ZBTB40: variants seen among roughly 807,000 people sequenced by gnomAD.
The protein encoded by ZBTB40 is zinc finger and BTB domain-containing protein 40.
ZBTB40 carries 60 observed loss-of-function variants against 117.5 expected under a neutral mutation model. The observed-to-expected ratio is 0.51, with a 90% CI of 0.41 to 0.63. The LOEUF (loss-of-function observed/expected upper bound fraction) is 0.63. Among genes scored for constraint, ZBTB40 ranks in the 30% least tolerant of loss-of-function variants. The probability of loss-of-function intolerance (pLI) is 0.00; values close to 1 mark genes in which losing one functional copy is unlikely to be tolerated. For missense variants in ZBTB40, 1,287 were observed against 1,498.5 expected, an observed-to-expected ratio of 0.86 and a Z score of 2.33; for synonymous variants, 525 against 577.1, an observed-to-expected ratio of 0.91 and a Z score of 1.29.
At chr1:22,521,758 T>C (rs1639534381) in intron 15 of ZBTB40, 100 bp downstream of exon 15, 1 of 1,542,370 alleles carries the variant, frequency 6.5e-7, no homozygotes, top group East Asian at 2.2e-5. Flanking sequence ...TAGTGTGATG[T>C]GCAGTGGTCA....
At chr1:22,469,331 C>G (rs1349256148) in intron 1 of ZBTB40, among the ~76,000 whole-genome samples, 1 of 151,660 alleles carries the variant, frequency 6.6e-6, no homozygotes, top group African/African-American at 2.4e-5. Context: ...TTTTAAGAGA[C>G]ACAGTCTCAC....
chr1:22,500,351 G>A (rs1236095397), intron 3 of ZBTB40, among the ~76,000 whole-genome samples: 1 of 152,194 alleles, frequency 6.6e-6, no homozygotes, highest in East Asian at 1.9e-4. Context: ...AGCAGAATCT[G>A]TGTGGCAGCT....
rs1314569314 is a variant in ZBTB40, at chr1:22,530,511, T to C, written c.*4115T>C. 2 of 152,312 alleles carry C rather than the reference T, an allele frequency of 1.3e-5. No homozygotes were observed. Among genetic ancestry groups the C allele is most frequent in the Admixed American group, 6.5e-5 (1 of 15,274 alleles). 9.4% of individuals were successfully genotyped at this position (152,312 alleles called of 1,614,324 possible). A position where few individuals can be genotyped will look rare whatever the true frequency, so the allele number is the denominator to read the frequency against. ...AGGAAAAAAATCACTCCCTGGCTAA[T>C]TAAGATTGCTTCCAAATTGGGGGAA... On this transcript the variant is annotated 3_prime_UTR_variant, in exon 18 of 18. Transcript: ENST00000375647.
At chr1:22,452,984 A>G (rs1006959470) in intron 1 of ZBTB40, 1 of 152,212 alleles carries the variant, frequency 6.6e-6, no homozygotes, top group African/African-American at 2.4e-5. Context: ...CGAGGAAGAA[A>G]TTTGTTCTGA....
At chr1:22,495,107 T>C (rs1453704480) in intron 3 of ZBTB40, among the ~76,000 whole-genome samples, 2 of 152,184 alleles carry the variant, frequency 1.3e-5, no homozygotes, top group Non-Finnish European at 2.9e-5. Flanking sequence ...GGATGTGTCA[T>C]TCCGTTTCTG....
Position 22,528,572 on chromosome 1 carries a change from C to G in ZBTB40, c.*2176C>G, listed in dbSNP as rs906645568. The G allele has an allele frequency of 6.6e-6, 1 of 152,308 alleles. No individual in the cohort carries two copies. The highest frequency in any genetic ancestry group is 1.5e-5 in the Non-Finnish European group (1 of 68,048). The allele number at this position is 152,308 out of a possible 1,614,324, so 9.4% of individuals were successfully genotyped here. A position where few individuals can be genotyped will look rare whatever the true frequency, so the allele number is the denominator to read the frequency against. On this transcript the variant is annotated 3_prime_UTR_variant, in exon 18 of 18. Transcript: ENST00000375647. ...GGGGAGACAGGGTCTTGCTCTGTCA[C>G]CCAGACTGGAACACAGTGGCACGAT...
At chr1:22,507,333 A>G (rs1639098976) in intron 6 of ZBTB40, among the ~76,000 whole-genome samples, 1 of 152,230 alleles carries the variant, frequency 6.6e-6, no homozygotes, top group Non-Finnish European at 1.5e-5. Context: ...AGTAAATATT[A>G]GTTGCTGTCT....
intron 13 of ZBTB40, 80 bp from the exon 14 acceptor site, chr1:22,519,981 C>A: frequency 8.0e-7 from 1 of 1,247,060 alleles, no homozygotes; most frequent in East Asian, 2.3e-5. Context: ...TACACAACAA[C>A]CAGTGTTTCA....
At chr1:22,491,304 C>A in intron 2 of ZBTB40, 96 bp from the exon 3 acceptor site, 1 of 1,222,264 alleles carries the variant, frequency 8.2e-7, no homozygotes, top group Non-Finnish European at 1.2e-6. Flanking sequence ...CAGTTAAGTG[C>A]AGTATATGAC....
chr1:22,457,142 AAAG>A (rs1557481688), intron 1 of ZBTB40, among the ~76,000 whole-genome samples: 1 of 151,792 alleles, frequency 6.6e-6, no homozygotes, highest in African/African-American at 2.4e-5. Flanking sequence ...TTTTTAAAGG[AAAG>A]AAGAAGAGGG....
chr1:22,469,000 G>A (rs1055504558), intron 1 of ZBTB40, among the ~76,000 whole-genome samples: 4 of 151,038 alleles, frequency 2.6e-5, no homozygotes, highest in Admixed American at 2.0e-4. Flanking sequence ...CTAATTTTTT[G>A]GTATTTTTTT....
At chr1:22,510,901 A>G (rs914719065) in intron 9 of ZBTB40, among the ~76,000 whole-genome samples, 2 of 152,160 alleles carry the variant, frequency 1.3e-5, no homozygotes, top group Non-Finnish European at 2.9e-5. Flanking sequence ...CTGATAAGCT[A>G]TTTCTTATAG....
intron 17 of ZBTB40, among the ~76,000 whole-genome samples, chr1:22,525,165 C>T (rs145906330): frequency 6.6e-6 from 1 of 152,274 alleles, no homozygotes; most frequent in African/African-American, 2.4e-5. Flanking sequence ...AGGCAGGACT[C>T]CCGCCAACAC....
chr1:22,511,656 G>T lies in ZBTB40; in HGVS notation c.2003-20G>T. 6 of 1,610,348 alleles carry T rather than the reference G, an allele frequency of 3.7e-6. No homozygotes were observed. Among genetic ancestry groups the T allele is most frequent in the Non-Finnish European group, 5.1e-6 (6 of 1,178,738 alleles). On this transcript the variant is annotated intron_variant, in intron 10 of 17. Transcript: ENST00000375647. ...AGAAACAGAGAGTTCGCAGAGCCAC[G>T]AGATGTCTCTTTTATGCAGGTGTCC...
At chr1:22,447,670 G>A (rs559970466), upstream of ZBTB40, among the ~76,000 whole-genome samples, 3 of 152,306 alleles carry the variant, frequency 2.0e-5, no homozygotes, top group South Asian at 2.1e-4. Context: ...GGTCAGGCCC[G>A]CAGAAGTGCT....
At chr1:22,487,058 T>G (rs1207274761) in intron 1 of ZBTB40, among the ~76,000 whole-genome samples, 1 of 152,172 alleles carries the variant, frequency 6.6e-6, no homozygotes, top group Non-Finnish European at 1.5e-5. Context: ...CAATAAGTTG[T>G]GATTCTCTGT....
chr1:22,443,335 G>A (rs968892493), intron 1 of ZBTB40, among the ~76,000 whole-genome samples: 1 of 152,142 alleles, frequency 6.6e-6, no homozygotes, highest in Non-Finnish European at 1.5e-5. Flanking sequence ...GAAGCCACAG[G>A]CAAAGACATA....
chr1:22,526,095 A>G, intron 17 of ZBTB40, 107 bp from the exon 18 acceptor site: 16 of 1,341,618 alleles, frequency 1.2e-5, no homozygotes, highest in Non-Finnish European at 1.6e-5. Context: ...TGCTCTCCTC[A>G]GGTGAAAACA....
intron 14 of ZBTB40, among the ~76,000 whole-genome samples, chr1:22,521,293 G>A (rs1639517655): frequency 1.3e-5 from 2 of 152,170 alleles, no homozygotes; most frequent in South Asian, 4.1e-4. Flanking sequence ...GCCCTGTAGT[G>A]GCTTCTCAAT....
Sources: gnomAD v4.1 joint callset for allele counts (sites outside exome capture counted in the v4.1 genomes callset) on GRCh38, gnomAD v4.1.1 for gene constraint, MANE v1.5 for transcripts, NCBI Gene and HGNC (gene_info 2026-07-23, HGNC 2026-07-21) for gene names.